GLIPR1L2: variants seen among roughly 807,000 people sequenced by gnomAD.
The protein encoded by GLIPR1L2 is GLIPR1-like protein 2.
A neutral mutation model predicts 28.4 loss-of-function variants in GLIPR1L2; 21 were observed. The observed-to-expected ratio is 0.74, with a 90% confidence interval of 0.52 to 1.06. GLIPR1L2 has a LOEUF of 1.06. Ranked by LOEUF, GLIPR1L2 falls within the 50% of genes least tolerant of loss-of-function variation. The pLI is 0.00. For synonymous variants in GLIPR1L2, 145 were observed against 139.3 expected (o/e 1.04, Z -0.29); for missense variants, 476 against 416.9 (o/e 1.14, Z -1.23).
At chr12:75,408,259 C>T (rs2045824250) in intron 1 of GLIPR1L2, among the ~76,000 whole-genome samples, 2 of 151,926 alleles carry the variant, frequency 1.3e-5, no homozygotes, top group African/African-American at 4.8e-5. Flanking sequence ...ATTTGGAGCT[C>T]TTACAATTTA....
chr12:75,395,864 T>G (rs2045676699), intron 1 of GLIPR1L2, among the ~76,000 whole-genome samples: 1 of 152,030 alleles, frequency 6.6e-6, no homozygotes, highest in Admixed American at 6.6e-5. Context: ...TGTTCTCTAT[T>G]TTATTTATCT....
intron 4 of GLIPR1L2, among the ~76,000 whole-genome samples, chr12:75,428,790 G>A (rs2046061049): frequency 6.6e-6 from 1 of 152,170 alleles, no homozygotes; most frequent in African/African-American, 2.4e-5. Context: ...TGGCTCAAAG[G>A]GGCCAAGGTA....
intron 4 of GLIPR1L2, among the ~76,000 whole-genome samples, chr12:75,430,135 T>C (rs2046077072): frequency 6.6e-6 from 1 of 151,908 alleles, no homozygotes; most frequent in Non-Finnish European, 1.5e-5. Flanking sequence ...TATAGCAGTA[T>C]GAAAATGGAC....
chr12:75,430,942 G>C lies in GLIPR1L2; in HGVS notation c.816G>C (p.Leu272Phe). Residue 272 changes from leucine to phenylalanine, a missense_variant, in exon 6 of 6, where the codon TTG becomes TTC. Transcript: ENST00000550916. ...LCFILCVITV[L>F]IVQSQFPNIL... ...TTATCCTGTGTGTCATAACTGTTTT[G>C]ATAGTACAGTCTCAGTTTCCAAATA... 1 of 1,535,522 alleles carries C rather than the reference G, an allele frequency of 6.5e-7. No individual in the cohort carries two copies. Among genetic ancestry groups the C allele is most frequent in the Non-Finnish European group, 8.7e-7 (1 of 1,146,474 alleles).
At chr12:75,418,873 T>G (rs1313110143) in intron 3 of GLIPR1L2, among the ~76,000 whole-genome samples, 7 of 152,086 alleles carry the variant, frequency 4.6e-5, no homozygotes, top group African/African-American at 1.7e-4. Context: ...GGGACATGGA[T>G]GAAGCTGGAA....
At chr12:75,398,029 TAAAA>T (rs71078728) in intron 1 of GLIPR1L2, among the ~76,000 whole-genome samples, 4 of 138,212 alleles carry the variant, frequency 2.9e-5, no homozygotes, top group African/African-American at 5.3e-5. Context: ...GCTGTGGATT[TAAAA>T]AAAAAAAAAA....
Position 75,391,091 on chromosome 12 carries a change from A to G in GLIPR1L2, c.-26A>G, listed in dbSNP as rs1203948082. ...TCACTGGGACGGCCAGCGCGTGCGC[A>G]CTGGCCTGTCAGCGGCCGGTGGACC... On this transcript the variant is annotated 5_prime_UTR_variant, in exon 1 of 6. Coordinates refer to ENST00000550916, the MANE Select transcript of GLIPR1L2 (RefSeq NM_001270396.2). 1.3e-5 allele frequency: 20 copies of G among 1,527,894 alleles called. No homozygotes were observed. The highest frequency in any genetic ancestry group is 6.8e-5 in the Admixed American group (4 of 58,918). The allele number at this position is 1,527,894 out of a possible 1,614,324, so 94.6% of individuals were successfully genotyped here.
chr12:75,392,891 T>G (rs2045646058), intron 1 of GLIPR1L2, among the ~76,000 whole-genome samples: 1 of 152,032 alleles, frequency 6.6e-6, no homozygotes, highest in East Asian at 1.9e-4. Context: ...TTTCTTGAAG[T>G]TAATGTATAT....
Position 75,403,084 on chromosome 12 carries a change from C to T in GLIPR1L2, c.235-7350C>T, listed in dbSNP as rs980973350. 2.6e-5 allele frequency: 12 copies of T among 457,246 alleles called. 1 individual carries two copies. Among genetic ancestry groups the T allele is most frequent in the Non-Finnish European group, 5.3e-5 (12 of 227,084 alleles). 28.3% of individuals were successfully genotyped at this position (457,246 alleles called of 1,614,324 possible). A position where few individuals can be genotyped will look rare whatever the true frequency, so the allele number is the denominator to read the frequency against. ...GGATTTCCAAACCTCTCACCCAGGA[C>T]TCCAAGTGCACCCCTTTGAAGACTT... On this transcript the variant is annotated intron_variant, in intron 1 of 5. Transcript: ENST00000550916.
At chr12:75,419,645 C>T (rs1594024690) in intron 3 of GLIPR1L2, among the ~76,000 whole-genome samples, 1 of 152,186 alleles carries the variant, frequency 6.6e-6, no homozygotes, top group East Asian at 1.9e-4. Context: ...TAATATCAAC[C>T]TTAAAGGAGC....
At chr12:75,401,347 T>C (rs553035079) in intron 1 of GLIPR1L2, among the ~76,000 whole-genome samples, 1 of 148,038 alleles carries the variant, frequency 6.8e-6, no homozygotes, top group Non-Finnish European at 1.5e-5. Context: ...AATATAGAAA[T>C]GAAGACTAAA....
chr12:75,409,803 C>T (rs2045845836), intron 1 of GLIPR1L2, among the ~76,000 whole-genome samples: 1 of 142,052 alleles, frequency 7.0e-6, no homozygotes, highest in Non-Finnish European at 1.5e-5. Flanking sequence ...AGATGTATAT[C>T]TAATCTGATA....
Position 75,410,721 on chromosome 12 carries a change from A to G in GLIPR1L2, c.480+42A>G, listed in dbSNP as rs1340511068. On this transcript the variant is annotated intron_variant, in intron 2 of 5. Coordinates refer to ENST00000550916, the MANE Select transcript of GLIPR1L2 (RefSeq NM_001270396.2). Reference sequence around the variant, plus strand: ...TTGTTATTAATTCAAACACTTCTTAATTGATTTATGCCTGGTTTTATTATG... The same window carrying G: ...TTGTTATTAATTCAAACACTTCTTAGTTGATTTATGCCTGGTTTTATTATG... 5 of 1,395,946 alleles carry G rather than the reference A, an allele frequency of 3.6e-6. No individual in the cohort carries two copies. In the South Asian group the frequency reaches 6.7e-5, roughly 19 times the overall value. The allele number at this position is 1,395,946 out of a possible 1,614,324, so 86.5% of individuals were successfully genotyped here. A position where few individuals can be genotyped will look rare whatever the true frequency, so the allele number is the denominator to read the frequency against.
rs1445568140 is a variant in GLIPR1L2, at chr12:75,416,661, T to C, written c.584+2960T>C. Among the ~76,000 whole-genome samples the C allele has an allele frequency of 2.0e-5, 3 of 152,054 alleles. No individual in the cohort carries two copies. The East Asian group carries it at 5.8e-4, about 29-fold the overall frequency. On this transcript the variant is annotated intron_variant, in intron 3 of 5. Coordinates refer to ENST00000550916, the MANE Select transcript of GLIPR1L2 (RefSeq NM_001270396.2). ...GTTCCATTAGATGAGATGAAGGTAT[T>C]TGGTGACCTTAATAAGAATAGTGAG...
intron 3 of GLIPR1L2, among the ~76,000 whole-genome samples, chr12:75,422,127 A>G (rs945157760): frequency 6.6e-6 from 1 of 151,410 alleles, no homozygotes; most frequent in African/African-American, 2.4e-5. Flanking sequence ...AGTAGCTGGG[A>G]CTACAGGCAC....
At chr12:75,416,387 A>G (rs751393548) in intron 3 of GLIPR1L2, among the ~76,000 whole-genome samples, 1 of 131,358 alleles carries the variant, frequency 7.6e-6, no homozygotes, top group Non-Finnish European at 1.8e-5. Flanking sequence ...AGTGAATTAG[A>G]TCAGCATGTG....
chr12:75,429,938 CTT>C (rs34354324), intron 4 of GLIPR1L2, among the ~76,000 whole-genome samples: 7 of 128,640 alleles, frequency 5.4e-5, no homozygotes, highest in African/African-American at 1.9e-4. Context: ...TCTTTTCTTT[CTT>C]TTTTTTTTTT....
At chr12:75,395,268 G>T (rs914640708) in intron 1 of GLIPR1L2, among the ~76,000 whole-genome samples, 30 of 151,966 alleles carry the variant, frequency 2.0e-4, no homozygotes, top group Non-Finnish European at 2.9e-5. Context: ...CTGCACCAAG[G>T]AGTAAATTCC....
chr12:75,431,343 A>G lies in GLIPR1L2; in HGVS notation c.*182A>G, dbSNP rs530853676. On this transcript the variant is annotated 3_prime_UTR_variant, in exon 6 of 6. Coordinates refer to ENST00000550916, the MANE Select transcript of GLIPR1L2 (RefSeq NM_001270396.2). ...ACTTATTCAATCAATTTAAATTTGT[A>G]AAACAAAGAAACAAAAAACATGTAA... 56 of 473,508 alleles carry G rather than the reference A, an allele frequency of 1.2e-4. No homozygotes were observed. The highest frequency in any genetic ancestry group is 5.0e-4 in the East Asian group (16 of 31,752). 29.3% of individuals were successfully genotyped at this position (473,508 alleles called of 1,614,324 possible). A position where few individuals can be genotyped will look rare whatever the true frequency, so the allele number is the denominator to read the frequency against.
Sources: allele counts gnomAD v4.1 joint callset (sites outside exome capture counted in the v4.1 genomes callset), GRCh38; gene constraint gnomAD v4.1.1; transcripts MANE v1.5; gene names NCBI Gene and HGNC (gene_info 2026-07-23, HGNC 2026-07-21).